SMG6: variants seen among roughly 807,000 people sequenced by gnomAD.
SMG6 encodes the protein telomerase-binding protein EST1A.
SMG6 carries 66 observed loss-of-function variants against 142.2 expected under a neutral mutation model. The observed-to-expected ratio is 0.46, with a 90% CI of 0.38 to 0.57. The LOEUF (loss-of-function observed/expected upper bound fraction) is 0.57. Ranked by LOEUF, SMG6 falls within the 20% of genes least tolerant of loss-of-function variation. The pLI is 0.00. For synonymous variants in SMG6, 779 were observed against 702.4 expected (o/e 1.11, Z -1.72); for missense variants, 1,793 against 1,832.0 (o/e 0.98, Z 0.39).
At chr17:2,297,702 C>T (rs2075173902) in intron 3 of SMG6, among the ~76,000 whole-genome samples, 161 bp downstream of exon 3, 1 of 152,152 alleles carries the variant, frequency 6.6e-6, no homozygotes, top group South Asian at 2.1e-4. Flanking sequence ...AATTTATGGT[C>T]CCAAGGAAGC....
rs769431174 is a variant in SMG6 at position 2,237,076 on chromosome 17, CAA to C, written c.2724-441_2724-440del. On this transcript the variant is annotated intron_variant, in intron 9 of 18. Transcript: ENST00000263073. Reference sequence around the variant, plus strand: ...ATTAAAAAAGTAATGTGAATCTAAACAAAAAAAAAAAAATTTTTTTTTTTTTT... The same window carrying C: ...ATTAAAAAAGTAATGTGAATCTAAACAAAAAAAAAAATTTTTTTTTTTTTT... 1,409 of 143,670 alleles carry C rather than the reference CAA, an allele frequency of 9.8e-3. 29 individuals carry two copies. The highest frequency in any genetic ancestry group is 0.034 in the African/African-American group (1,308 of 37,938). The allele number at this position is 143,670 out of a possible 1,614,324, so 8.9% of individuals were successfully genotyped here. A position where few individuals can be genotyped will look rare whatever the true frequency, so the allele number is the denominator to read the frequency against.
In SMG6 at chr17:2,068,873, A is replaced by G. The variant is rs775564547; in HGVS notation, c.3740T>C (p.Phe1247Ser). ...RQMELEIRPL[F>S]LVPDTNGFID... is the part of the protein sequence containing the mutation. ...GAAGCCGTTGGTGTCTGGTACGAGG[A>G]ACAAAGGTCTGATTTCGAGCTCCAT... The change falls in exon 16 of 19, where the codon TTC (phenylalanine) becomes TCC (serine). Residue 1247 changes from phenylalanine (F) to serine (S), a missense_variant. By Grantham distance (155) the Phe-to-Ser change is radical (BLOSUM62 -2). Around this residue, in one of 3 missense-constraint regions of SMG6, gnomAD observed 17 missense variants for 34.7 expected, o/e 0.49. Coordinates refer to ENST00000263073, the MANE Select transcript of SMG6 (RefSeq NM_017575.5). The surrounding 1 kb of genome is among the most constrained non-coding windows in gnomAD (Gnocchi z 6.7). 6.2e-7 allele frequency: 1 copy of G among 1,614,204 alleles called. No individual in the cohort carries two copies. Among genetic ancestry groups the G allele is most frequent in the Non-Finnish European group, 8.5e-7 (1 of 1,180,032 alleles).
chr17:2,180,397 C>G (rs1436439256), intron 12 of SMG6, among the ~76,000 whole-genome samples: 1 of 152,208 alleles, frequency 6.6e-6, no homozygotes, highest in East Asian at 1.9e-4. Flanking sequence ...CTGTTACAAT[C>G]CCTAACGGGT....
intron 8 of SMG6, among the ~76,000 whole-genome samples, chr17:2,270,220 AAG>A (rs748424448): frequency 2.5e-4 from 38 of 152,338 alleles, no homozygotes; most frequent in Admixed American, 9.1e-4. Context: ...GGGAAAAAAA[AAG>A]GTGAATATAC....
intron 13 of SMG6, chr17:2,128,053 A>T (rs1311570170): frequency 4.9e-6 from 2 of 408,830 alleles, no homozygotes; most frequent in African/African-American, 2.1e-5. Flanking sequence ...CCTGTGCTCC[A>T]GCTGCAGGTA....
intron 13 of SMG6, among the ~76,000 whole-genome samples, chr17:2,124,658 C>T (rs2069813209): frequency 6.6e-6 from 1 of 152,058 alleles, no homozygotes; most frequent in African/African-American, 2.4e-5. Flanking sequence ...TGTGATCTCC[C>T]CGGGGAGTCA....
chr17:2,299,542 C>T lies in SMG6; in HGVS notation c.1211G>A (p.Arg404His), dbSNP rs78876170. 2.4e-3 allele frequency: 3,825 copies of T among 1,614,110 alleles called. 97 individuals are homozygous for T. The African/African-American group carries it at 0.045, about 19-fold the overall frequency. Residue 404 changes from arginine to histidine, a missense_variant, in exon 2 of 19, where the codon CGT becomes CAT. Transcript: ENST00000263073. This position sits in a 1 kb window ranked among gnomAD's most constrained non-coding sequence, Gnocchi z 4.3. ...SKNPKQELRG[R>H]GRGILILPAH... ...AGGCAAAATCAGAATGCCACGACCA[C>T]GACCCCGAAGTTCTTGTTTCGGGTT...
In SMG6 at chr17:2,260,326, C is replaced by A. The variant is rs558688393; in HGVS notation, c.2662-15607G>T. Among the ~76,000 whole-genome samples the A allele has an allele frequency of 5.7e-3, 869 of 152,292 alleles. 7 individuals are homozygous for A. Among genetic ancestry groups the A allele is most frequent in the Non-Finnish European group, 7.9e-3 (534 of 68,022 alleles). On this transcript the variant is annotated intron_variant, in intron 8 of 18. Coordinates refer to ENST00000263073, the MANE Select transcript of SMG6 (RefSeq NM_017575.5). ...AAGGCAGGCCATGATGTCACTTTCCCCCCCCACAGCCAGATGCTTCAAGAT... is the reference window on the plus strand; with the variant it reads ...AAGGCAGGCCATGATGTCACTTTCCACCCCCACAGCCAGATGCTTCAAGAT...
chr17:2,208,641 T>G lies in SMG6; in HGVS notation c.2870-20126A>C, dbSNP rs138178683. On this transcript the variant is annotated intron_variant, in intron 10 of 18. Transcript: ENST00000263073. ...TAAGGATCTGTGCTGGGCACTTAGTTTTTGAAGATGAATCAGACATAAACT... is the reference window on the plus strand; with the variant it reads ...TAAGGATCTGTGCTGGGCACTTAGTGTTTGAAGATGAATCAGACATAAACT... 3.9e-5 allele frequency among the ~76,000 whole-genome samples: 6 copies of G among 152,312 alleles called. No homozygotes were observed. In the East Asian group the frequency reaches 1.2e-3, roughly 29 times the overall value.
At chr17:2,260,328 C>G (rs1304631752) in intron 8 of SMG6, among the ~76,000 whole-genome samples, 2 of 152,164 alleles carry the variant, frequency 1.3e-5, no homozygotes, top group African/African-American at 4.8e-5. Context: ...CACTTTCCCC[C>G]CCCACAGCCA....
At chr17:2,070,618 C>G (rs570179452) in intron 15 of SMG6, among the ~76,000 whole-genome samples, 9 of 152,318 alleles carry the variant, frequency 5.9e-5, no homozygotes, top group African/African-American at 1.2e-4. Flanking sequence ...GGTGGCTTCT[C>G]TGTGACCTGC....
intron 17 of SMG6, 93 bp downstream of exon 17, chr17:2,065,375 C>T (rs930943177): frequency 7.6e-7 from 1 of 1,322,372 alleles, no homozygotes; most frequent in Non-Finnish European, 1.1e-6. Context: ...CCCTCAGCTG[C>T]CCAGGCTGAT....
At chr17:2,187,460 C>A (rs34493815) in intron 11 of SMG6, among the ~76,000 whole-genome samples, 1 of 151,980 alleles carries the variant, frequency 6.6e-6, no homozygotes, top group Non-Finnish European at 1.5e-5. Context: ...TGTTGACTTC[C>A]GATTTTGATA....
intron 13 of SMG6, among the ~76,000 whole-genome samples, chr17:2,128,786 G>A (rs1157191026): frequency 1.4e-5 from 2 of 138,768 alleles, no homozygotes; most frequent in Non-Finnish European, 3.0e-5. Context: ...ATCGCGCCAC[G>A]GCACTCTAGC....
chr17:2,090,894 G>C lies in SMG6; in HGVS notation c.3358-4993C>G, dbSNP rs373408545. 2.0e-5 allele frequency among the ~76,000 whole-genome samples: 3 copies of C among 152,202 alleles called. No individual in the cohort carries two copies. In the East Asian group the frequency reaches 5.8e-4, roughly 29 times the overall value. Reference sequence around the variant, plus strand: ...GCAAATAAGATGCAGACAGGAACATGAAGTCTTTCTGAGATTATTAAGAAA... The same window carrying C: ...GCAAATAAGATGCAGACAGGAACATCAAGTCTTTCTGAGATTATTAAGAAA... On this transcript the variant is annotated intron_variant, in intron 13 of 18. Transcript: ENST00000263073.
At chr17:2,091,482 G>A (rs1023422809) in intron 13 of SMG6, among the ~76,000 whole-genome samples, 34 of 152,094 alleles carry the variant, frequency 2.2e-4, no homozygotes, top group African/African-American at 8.2e-4. Flanking sequence ...ACCTGTGCAG[G>A]GGCTGAATGA....
chr17:2,087,762 T>C (rs1236635922), intron 13 of SMG6: 3 of 985,840 alleles, frequency 3.0e-6, no homozygotes, highest in Admixed American at 6.2e-5. Flanking sequence ...AAATGAGTAA[T>C]AGCCTGGCAG....
At chr17:2,284,066 C>A (rs1046444787) in intron 6 of SMG6, among the ~76,000 whole-genome samples, 2 of 152,172 alleles carry the variant, frequency 1.3e-5, no homozygotes, top group African/African-American at 4.8e-5. Flanking sequence ...CTTTATATTT[C>A]CTGTTCTTAT....
At chr17:2,241,675 G>A (rs151312504) in intron 9 of SMG6, among the ~76,000 whole-genome samples, 6 of 152,232 alleles carry the variant, frequency 3.9e-5, no homozygotes, top group Non-Finnish European at 7.4e-5. Context: ...ATAGGCGTGA[G>A]CCACCGCACC....
Sources: gnomAD v4.1 joint callset for allele counts (sites outside exome capture counted in the v4.1 genomes callset) on GRCh38, gnomAD v4.1.1 for gene constraint, gnomAD v4.1.1 regional missense constraint, Gnocchi (gnomAD v3.1) non-coding constraint, MANE v1.5 for transcripts, NCBI Gene and HGNC (gene_info 2026-07-23, HGNC 2026-07-21) for gene names.